The following ARFGEF1 variants were observed in gnomAD, a reference collection of about 807,000 sequenced individuals.
ARFGEF1 encodes brefeldin A-inhibited guanine nucleotide-exchange protein 1.
ARFGEF1 carries 42 observed loss-of-function variants against 231.0 expected under a neutral mutation model. The observed-to-expected ratio is 0.18, with a 90% CI of 0.14 to 0.24. The LOEUF (loss-of-function observed/expected upper bound fraction) is 0.24, where lower values mean the gene tolerates loss of function less well. Ranked by LOEUF, ARFGEF1 falls within the 10% of genes least tolerant of loss-of-function variation. ARFGEF1 has a pLI of 1.00. For synonymous variants in ARFGEF1, 710 were observed against 732.3 expected (o/e 0.97, Z 0.49); for missense variants, 1,345 against 2,192.0 (o/e 0.61, Z 7.72).
At chr8:67,300,490 T>TATTAAGC (rs527975064) in intron 3 of ARFGEF1, among the ~76,000 whole-genome samples, 162 of 152,108 alleles carry the variant, frequency 1.1e-3, no homozygotes, top group African/African-American at 3.6e-3. Context: ...TATTAAATTA[T>TATTAAGC]ATTAAGCTGC....
chr8:67,313,158 G>C (rs922713647), intron 1 of ARFGEF1, among the ~76,000 whole-genome samples: 1 of 152,220 alleles, frequency 6.6e-6, no homozygotes, highest in Non-Finnish European at 1.5e-5. Flanking sequence ...CTACTTGGGA[G>C]GCTGAGCCAG....
intron 17 of ARFGEF1, among the ~76,000 whole-genome samples, chr8:67,254,387 T>G (rs1368722392): frequency 6.6e-6 from 1 of 152,236 alleles, no homozygotes; most frequent in Non-Finnish European, 1.5e-5. Context: ...TTCTACGTCT[T>G]ATATGATGTC....
chr8:67,219,323 TCTAGG>T, intron 30 of ARFGEF1, 103 bp downstream of exon 30: 1 of 1,343,610 alleles, frequency 7.4e-7, no homozygotes, highest in Non-Finnish European at 9.9e-7. Context: ...AGAAAAATTT[TCTAGG>T]AATTCTTTTC....
chr8:67,198,904 G>GTAAA lies in ARFGEF1; in HGVS notation c.*26_*29dup. 3 of 1,609,918 alleles carry GTAAA rather than the reference G, an allele frequency of 1.9e-6. No homozygotes were observed. Among genetic ancestry groups the GTAAA allele is most frequent in the Non-Finnish European group, 2.5e-6 (3 of 1,178,852 alleles). On this transcript the variant is annotated 3_prime_UTR_variant, in exon 39 of 39. Coordinates refer to ENST00000262215, the MANE Select transcript of ARFGEF1 (RefSeq NM_006421.5). ...GCGTCCTTTTAAAGAGCAGAGGGAT[G>GTAAA]TAAATGCCAACAAAAATATTAAGTT...
chr8:67,326,415 C>T (rs1414542174), intron 1 of ARFGEF1, among the ~76,000 whole-genome samples: 1 of 152,138 alleles, frequency 6.6e-6, no homozygotes, highest in Non-Finnish European at 1.5e-5. Flanking sequence ...ATTAAAACAA[C>T]CTATACTCTT....
intron 5 of ARFGEF1, among the ~76,000 whole-genome samples, chr8:67,292,932 G>A (rs1462270213): frequency 1.3e-5 from 2 of 151,960 alleles, no homozygotes; most frequent in African/African-American, 2.4e-5. Flanking sequence ...TCCAGGTTAG[G>A]TGGAAATGCC....
At chr8:67,263,725 C>G (rs1021831243) in intron 14 of ARFGEF1, among the ~76,000 whole-genome samples, 1 of 152,128 alleles carries the variant, frequency 6.6e-6, no homozygotes, top group East Asian at 1.9e-4. Context: ...TAAACATAAT[C>G]CCCCTACCCC....
intron 15 of ARFGEF1, among the ~76,000 whole-genome samples, chr8:67,259,412 G>A (rs1307583085): frequency 3.9e-5 from 6 of 152,096 alleles, no homozygotes; most frequent in Non-Finnish European, 8.8e-5. Flanking sequence ...ATTTTTATTA[G>A]AGACGAGGTT....
intron 3 of ARFGEF1, 62 bp from the exon 4 acceptor site, chr8:67,299,417 C>G (rs1432779032): frequency 1.2e-5 from 16 of 1,389,670 alleles, no homozygotes; most frequent in African/African-American, 1.5e-5. Flanking sequence ...CATACTAATG[C>G]AATATACATT....
In ARFGEF1 at chr8:67,211,579, A is replaced by T; in HGVS notation, c.4723T>A (p.Ser1575Thr). The T allele has an allele frequency of 6.4e-7, 1 of 1,551,438 alleles. No homozygotes were observed. The highest frequency in any genetic ancestry group is 1.9e-5 in the Admixed American group (1 of 52,834). Residue 1575 changes from serine (S) to threonine (T), a missense_variant, in exon 34 of 39, where the codon TCT becomes ACT. Physicochemically the swap from Ser to Thr is moderately conservative, Grantham distance 58. This residue lies in a region of ARFGEF1 where 89 missense variants were observed against 74.8 expected (regional missense o/e 1.19). Transcript: ENST00000262215. ...ISQKSVDIHD[S>T]IQPRSVDNRP... ...TTATCCACAGACCTTGGTTGAATAGAATCATGAATATCTACAGACTTCTGT... is the reference window on the plus strand; with the variant it reads ...TTATCCACAGACCTTGGTTGAATAGTATCATGAATATCTACAGACTTCTGT...
chr8:67,195,768 T>TATTG (rs1178779453), downstream of ARFGEF1: 2 of 591,926 alleles, frequency 3.4e-6, no homozygotes, highest in Admixed American at 3.1e-5. Context: ...AGGCCATGAT[T>TATTG]ATTGATTTAT....
At chr8:67,257,996 A>G (rs1840515847) in intron 16 of ARFGEF1, 89 bp downstream of exon 16, 1 of 1,252,882 alleles carries the variant, frequency 8.0e-7, no homozygotes, top group African/African-American at 1.5e-5. Flanking sequence ...ACAGGGGATT[A>G]GGTCCTATTA....
chr8:67,236,363 AAAATATATATATAT>A (rs1202939912), intron 22 of ARFGEF1, among the ~76,000 whole-genome samples: 11 of 37,688 alleles, frequency 2.9e-4, no homozygotes, highest in East Asian at 9.8e-4. Flanking sequence ...AAAAAAAAAA[AAAATATATATATAT>A]ATATATATAT....
At chr8:67,188,089 T>C (rs1055237764) in intron 5 of ARFGEF1, among the ~76,000 whole-genome samples, 1 of 152,186 alleles carries the variant, frequency 6.6e-6, no homozygotes, top group African/African-American at 2.4e-5. Context: ...ATTAAGAGAA[T>C]GAGAAGACAG....
At chr8:67,192,785 G>A (rs1836736184), downstream of ARFGEF1, among the ~76,000 whole-genome samples, 1 of 152,008 alleles carries the variant, frequency 6.6e-6, no homozygotes, top group Non-Finnish European at 1.5e-5. Context: ...ACTGCATTTT[G>A]TTAACTCCGT....
intron 1 of ARFGEF1, among the ~76,000 whole-genome samples, chr8:67,310,443 G>A (rs995146341): frequency 9.2e-5 from 14 of 152,138 alleles, no homozygotes; most frequent in African/African-American, 2.2e-4. Context: ...ATCTCGGCTC[G>A]CTACAACCTA....
At chr8:67,188,978 C>T (rs1036114164) in intron 5 of ARFGEF1, among the ~76,000 whole-genome samples, 4 of 152,144 alleles carry the variant, frequency 2.6e-5, no homozygotes, top group Non-Finnish European at 4.4e-5. Flanking sequence ...AGAGGCTTGC[C>T]GCCATCTTGG....
rs147876423 is a variant in ARFGEF1, at chr8:67,321,639, T to C, written c.125-19173A>G. On this transcript the variant is annotated intron_variant, in intron 1 of 38. Coordinates refer to ENST00000262215, the MANE Select transcript of ARFGEF1 (RefSeq NM_006421.5). ...CCACGCCCGGCTATTTTTTTTTATT[T>C]TTAATAGAGACGGGGTTTCACCGTG... Among the ~76,000 whole-genome samples, 1,048 of 152,224 alleles carry C rather than the reference T, an allele frequency of 6.9e-3. 16 individuals carry two copies. The highest frequency in any genetic ancestry group is 0.024 in the African/African-American group (986 of 41,536).
chr8:67,288,059 G>C lies in ARFGEF1; in HGVS notation c.923C>G (p.Ser308Cys), dbSNP rs1805834359. The stretch of plus-strand genomic sequence containing the variant: ...TCCGTCATATAACACTTCATTTTTA[G>C]ATAATGCTTTAAAAGAAGAAAAATT... ...ADQATAAETL[S>C]KNEVLYDGEN... The change falls in exon 7 of 39, where the codon TCT (serine) becomes TGT (cysteine). Residue 308 changes from serine to cysteine, a missense_variant. This residue lies in a region of ARFGEF1 where 398 missense variants were observed against 463.2 expected (regional missense o/e 0.86). Coordinates refer to ENST00000262215, the MANE Select transcript of ARFGEF1 (RefSeq NM_006421.5). The C allele has an allele frequency of 6.3e-7, 1 of 1,579,936 alleles. No individual in the cohort carries two copies. Among genetic ancestry groups the C allele is most frequent in the African/African-American group, 1.4e-5 (1 of 73,000 alleles).
Sources: allele counts gnomAD v4.1 joint callset (sites outside exome capture counted in the v4.1 genomes callset), GRCh38; gene constraint gnomAD v4.1.1; regional missense constraint gnomAD v4.1.1; transcripts MANE v1.5; gene names NCBI Gene and HGNC (gene_info 2026-07-23, HGNC 2026-07-21).